Variants in SLIT3 observed in about 807,000 individuals in gnomAD.
SLIT3 encodes slit homolog 3 protein.
In SLIT3, 68 loss-of-function variants were observed where a neutral mutation model predicts 184.0. That is an observed-to-expected ratio of 0.37 (90% CI 0.30 to 0.45). The LOEUF (loss-of-function observed/expected upper bound fraction) is 0.45, where lower values mean the gene tolerates loss of function less well. SLIT3 is among the 20% of genes least tolerant of loss of function. The probability of loss-of-function intolerance (pLI) is 1.00; values close to 1 mark genes in which losing one functional copy is unlikely to be tolerated. For missense variants in SLIT3, 1,707 were observed against 2,026.0 expected, an observed-to-expected ratio of 0.84 and a Z score of 3.02; for synonymous variants, 831 against 828.6, an observed-to-expected ratio of 1.00 and a Z score of -0.05.
rs531354289 is a variant in SLIT3 at position 168,841,830 on chromosome 5, T to TG, written c.557+2753dup. ...CTGGGACAACCAATGTGTCTTTGCT[T>TG]GATTTCTACTTCATGCTGCCTAATG... On this transcript the variant is annotated intron_variant, in intron 6 of 35. Coordinates refer to ENST00000519560, the MANE Select transcript of SLIT3 (RefSeq NM_003062.4). 3.8e-3 allele frequency among the ~76,000 whole-genome samples: 580 copies of TG among 152,328 alleles called. 1 individual carries two copies. Among genetic ancestry groups the TG allele is most frequent in the Admixed American group, 8.0e-3 (122 of 15,294 alleles).
At chr5:168,884,104 T>G (rs77564265) in intron 4 of SLIT3, among the ~76,000 whole-genome samples, 8 of 136,556 alleles carry the variant, frequency 5.9e-5, no homozygotes, top group Non-Finnish European at 9.4e-5. Flanking sequence ...ATATGGGCTG[T>G]TTTTTTTTTT....
At chr5:168,882,617 T>A (rs964245023) in intron 5 of SLIT3, among the ~76,000 whole-genome samples, 2 of 152,200 alleles carry the variant, frequency 1.3e-5, no homozygotes, top group Non-Finnish European at 2.9e-5. Context: ...ACTGCGGTTA[T>A]GTCAGATGCT....
chr5:169,017,977 G>T (rs2113479479), intron 4 of SLIT3: 1 of 152,280 alleles, frequency 6.6e-6, no homozygotes, highest in East Asian at 1.9e-4. Context: ...ACGAGGTTAT[G>T]GTTCTACCCA....
chr5:168,950,130 G>A (rs533249363), intron 4 of SLIT3, among the ~76,000 whole-genome samples: 1 of 151,954 alleles, frequency 6.6e-6, no homozygotes, highest in African/African-American at 2.4e-5. Flanking sequence ...AGTTTGGGAG[G>A]TGATTAGGTC....
intron 14 of SLIT3, chr5:168,768,208 A>C (rs1262724259): frequency 1.9e-6 from 1 of 524,310 alleles, no homozygotes; most frequent in Non-Finnish European, 3.9e-6. Context: ...CCATCGTTCC[A>C]CCACATGGTT....
chr5:169,089,099 G>A (rs1009603691), intron 4 of SLIT3, among the ~76,000 whole-genome samples: 1 of 140,516 alleles, frequency 7.1e-6, no homozygotes, highest in Admixed American at 7.3e-5. Flanking sequence ...CAGGGAATCT[G>A]TGTTTCATAC....
rs142385399 is a variant in SLIT3, at chr5:168,739,726, G to A, written c.2270+8576C>T. On this transcript the variant is annotated intron_variant, in intron 20 of 35. Coordinates refer to ENST00000519560, the MANE Select transcript of SLIT3 (RefSeq NM_003062.4). Reference sequence around the variant, plus strand: ...CTCCCAAAGTGCTGGGATTACAGGCGTGAGCCACCGCACCCGGCTCCTCCC... The same window carrying A: ...CTCCCAAAGTGCTGGGATTACAGGCATGAGCCACCGCACCCGGCTCCTCCC... Among the ~76,000 whole-genome samples, 1,512 of 152,228 alleles carry A rather than the reference G, an allele frequency of 9.9e-3. 33 individuals are homozygous for A. The highest frequency in any genetic ancestry group is 0.035 in the African/African-American group (1,440 of 41,540).
rs1453571779 is a variant in SLIT3 at position 168,785,350 on chromosome 5, C to T, written c.1151+557G>A. ...AATGAAATAAATGCAAACAAATAAT[C>T]CCTGAGCTTAAAATTCGAAGCAACA... On this transcript the variant is annotated intron_variant, in intron 12 of 35. Transcript: ENST00000519560. Among the ~76,000 whole-genome samples, 6 of 152,314 alleles carry T rather than the reference C, an allele frequency of 3.9e-5. No homozygotes were observed. In the South Asian group the frequency reaches 1.2e-3, roughly 32 times the overall value.
rs1324609666 is a variant in SLIT3, at chr5:169,263,972, T to C, written c.198-12513A>G. On this transcript the variant is annotated intron_variant, in intron 1 of 35. Transcript: ENST00000519560. Reference sequence around the variant, plus strand: ...GTTTCTCGGGGTGGAGAAACGGGGTTTTTTTTTTTTAAACATTTTACATTT... The same window carrying C: ...GTTTCTCGGGGTGGAGAAACGGGGTCTTTTTTTTTTAAACATTTTACATTT... 3.8e-5 allele frequency among the ~76,000 whole-genome samples: 5 copies of C among 130,812 alleles called. No homozygotes were observed. In the Middle Eastern group the frequency reaches 0.012, roughly 311 times the overall value. 85.8% of individuals were successfully genotyped at this position (130,812 alleles called of 152,430 possible).
At chr5:168,676,435 T>G (rs1870563) in intron 32 of SLIT3, among the ~76,000 whole-genome samples, 47,565 of 152,066 alleles carry the variant, frequency 0.31, 8,123 homozygotes, top group African/African-American at 0.45. Context: ...ATCTGGTTTT[T>G]TGATGGGGAG....
At chr5:169,174,029 A>G (rs1262881074) in intron 4 of SLIT3, among the ~76,000 whole-genome samples, 2 of 152,184 alleles carry the variant, frequency 1.3e-5, no homozygotes, top group African/African-American at 4.8e-5. Context: ...ACGGTACAGA[A>G]GACCCTTCTC....
chr5:168,970,179 TAAAC>T (rs56753863), intron 4 of SLIT3, among the ~76,000 whole-genome samples: 1 of 141,608 alleles, frequency 7.1e-6, no homozygotes, highest in Non-Finnish European at 1.5e-5. Flanking sequence ...AGACTCTGTC[TAAAC>T]AAACAAACAA....
At chr5:169,264,542 T>A (rs1378628149) in intron 1 of SLIT3, among the ~76,000 whole-genome samples, 1 of 152,192 alleles carries the variant, frequency 6.6e-6, no homozygotes, top group Non-Finnish European at 1.5e-5. Context: ...GCGGTCCTAA[T>A]GGGTGTCTTC....
At chr5:168,775,760 C>T (rs1365849116) in intron 12 of SLIT3, among the ~76,000 whole-genome samples, 1 of 152,144 alleles carries the variant, frequency 6.6e-6, no homozygotes, top group Admixed American at 6.5e-5. Flanking sequence ...CCAGGGTCAG[C>T]CTTCCTATCC....
chr5:169,276,675 A>T (rs1436468806), intron 1 of SLIT3, among the ~76,000 whole-genome samples: 2 of 152,228 alleles, frequency 1.3e-5, no homozygotes, highest in East Asian at 3.9e-4. Flanking sequence ...TTGCCATGGT[A>T]GTAAAATTTA....
intron 27 of SLIT3, among the ~76,000 whole-genome samples, chr5:168,699,545 G>A (rs1762157733): frequency 6.6e-6 from 1 of 152,188 alleles, no homozygotes; most frequent in Admixed American, 6.5e-5. Context: ...GGGGTCCTGA[G>A]GTTGGGTGGA....
At position 168,860,747 on chromosome 5, in the gene SLIT3, C is replaced by A. The variant is rs117562612; in HGVS notation, c.486-16092G>T. Among the ~76,000 whole-genome samples, 31 of 152,290 alleles carry A rather than the reference C, an allele frequency of 2.0e-4. No homozygotes were observed. In the East Asian group the frequency reaches 5.2e-3, roughly 26 times the overall value. The stretch of plus-strand genomic sequence containing the variant: ...CTGGGTACAGGATGACTAGGAATAG[C>A]CCTTATGCCCCAAGGCCCATATGAA... On this transcript the variant is annotated intron_variant, in intron 5 of 35. Coordinates refer to ENST00000519560, the MANE Select transcript of SLIT3 (RefSeq NM_003062.4).
At chr5:169,054,272 G>T (rs150868495) in intron 4 of SLIT3, among the ~76,000 whole-genome samples, 264 of 148,506 alleles carry the variant, frequency 1.8e-3, no homozygotes, top group African/African-American at 6.1e-3. Flanking sequence ...AGATTGGGAT[G>T]ATGCGGCCAC....
chr5:168,729,196 G>T (rs891033329), intron 20 of SLIT3, among the ~76,000 whole-genome samples: 1 of 151,932 alleles, frequency 6.6e-6, no homozygotes, highest in African/African-American at 2.4e-5. Flanking sequence ...GGGGAAAAGA[G>T]ATCAAAAAGT....
Sources: allele counts gnomAD v4.1 joint callset (sites outside exome capture counted in the v4.1 genomes callset), GRCh38; gene constraint gnomAD v4.1.1; transcripts MANE v1.5; gene names NCBI Gene and HGNC (gene_info 2026-07-23, HGNC 2026-07-21).